LRRTM4: variants seen among roughly 807,000 people sequenced by gnomAD.
LRRTM4 encodes the protein leucine-rich repeat transmembrane neuronal protein 4.
Under a neutral mutation model 47.6 loss-of-function variants are expected in LRRTM4, and 25 were observed. The observed-to-expected ratio is 0.53, with a 90% CI of 0.38 to 0.73. The LOEUF is 0.73. LRRTM4 is among the 30% of genes least tolerant of loss of function. The probability of loss-of-function intolerance (pLI) is 0.00; values close to 1 mark genes in which losing one functional copy is unlikely to be tolerated. For synonymous variants in LRRTM4, 311 were observed against 269.5 expected, an observed-to-expected ratio of 1.15 and a Z score of -1.51; for missense variants, 638 against 713.4, an observed-to-expected ratio of 0.89 and a Z score of 1.20.
chr2:77,414,082 T>G (rs1419809298), intron 3 of LRRTM4, among the ~76,000 whole-genome samples: 1 of 152,204 alleles, frequency 6.6e-6, no homozygotes, highest in Non-Finnish European at 1.5e-5. Context: ...CAAATCAAAA[T>G]GCTTCTAATC....
chr2:76,868,286 G>T (rs1672521744), intron 3 of LRRTM4, among the ~76,000 whole-genome samples: 1 of 152,066 alleles, frequency 6.6e-6, no homozygotes, highest in Non-Finnish European at 1.5e-5. Context: ...TTATGAATGT[G>T]TCAGACATAG....
At chr2:77,429,805 C>T (rs1675289723) in intron 3 of LRRTM4, among the ~76,000 whole-genome samples, 1 of 152,124 alleles carries the variant, frequency 6.6e-6, no homozygotes, top group African/African-American at 2.4e-5. Context: ...GTGTCTCATG[C>T]CTGTAATCAC....
intron 3 of LRRTM4, among the ~76,000 whole-genome samples, chr2:76,865,205 CT>C (rs1262678373): frequency 2.0e-5 from 3 of 152,112 alleles, no homozygotes; most frequent in African/African-American, 7.2e-5. Flanking sequence ...TCCCTGTGGG[CT>C]CCATAGGCAG....
chr2:76,974,734 CTAT>C (rs1314884245), intron 3 of LRRTM4, among the ~76,000 whole-genome samples: 1 of 151,594 alleles, frequency 6.6e-6, no homozygotes, highest in Non-Finnish European at 1.5e-5. Context: ...TTCTGACATA[CTAT>C]TATAAATTTA....
At chr2:77,324,244 G>T (rs998881815) in intron 3 of LRRTM4, among the ~76,000 whole-genome samples, 1 of 152,146 alleles carries the variant, frequency 6.6e-6, no homozygotes, top group Non-Finnish European at 1.5e-5. Flanking sequence ...CTTGTGTTGA[G>T]GTGTATTGGA....
intron 3 of LRRTM4, among the ~76,000 whole-genome samples, chr2:77,055,475 C>G (rs2103784558): frequency 2.0e-5 from 3 of 152,278 alleles, no homozygotes; most frequent in South Asian, 4.1e-4. Context: ...AAATGCAAAT[C>G]AAAACCACCA....
intron 3 of LRRTM4, among the ~76,000 whole-genome samples, chr2:77,102,053 A>G (rs903757890): frequency 2.6e-5 from 4 of 152,172 alleles, no homozygotes; most frequent in African/African-American, 9.7e-5. Context: ...CCCAGTTACT[A>G]TCTGTGTGTG....
At chr2:77,170,519 C>T (rs562919864) in intron 3 of LRRTM4, among the ~76,000 whole-genome samples, 1 of 152,148 alleles carries the variant, frequency 6.6e-6, no homozygotes, top group South Asian at 2.1e-4. Context: ...GACTTCTCAC[C>T]AATGGAGATC....
At chr2:77,212,459 A>T (rs1674319365) in intron 3 of LRRTM4, among the ~76,000 whole-genome samples, 1 of 131,502 alleles carries the variant, frequency 7.6e-6, no homozygotes, top group African/African-American at 3.0e-5. Flanking sequence ...TGGAATAATT[A>T]TATATATATA....
At chr2:77,349,742 T>A (rs889702633) in intron 3 of LRRTM4, among the ~76,000 whole-genome samples, 13 of 152,232 alleles carry the variant, frequency 8.5e-5, no homozygotes, top group African/African-American at 3.1e-4. Context: ...ATTAACGGAT[T>A]AGAATAAGAA....
intron 3 of LRRTM4, among the ~76,000 whole-genome samples, chr2:77,361,643 T>C (rs1672215631): frequency 6.6e-6 from 1 of 152,160 alleles, no homozygotes; most frequent in Non-Finnish European, 1.5e-5. Flanking sequence ...ATGCCTGGTA[T>C]AAACTAGCTA....
At chr2:77,095,275 T>C (rs1670775347) in intron 3 of LRRTM4, among the ~76,000 whole-genome samples, 1 of 152,134 alleles carries the variant, frequency 6.6e-6, no homozygotes, top group Admixed American at 6.5e-5. Context: ...TTGGCAGGGA[T>C]GTGGAGGAAC....
At chr2:77,281,671 A>C (rs1676509495) in intron 3 of LRRTM4, among the ~76,000 whole-genome samples, 1 of 151,920 alleles carries the variant, frequency 6.6e-6, no homozygotes, top group Admixed American at 6.6e-5. Context: ...TGGGCATGGC[A>C]GAATGATAAG....
intron 3 of LRRTM4, among the ~76,000 whole-genome samples, chr2:77,083,754 C>T (rs1171959832): frequency 2.5e-5 from 3 of 121,962 alleles, no homozygotes; most frequent in Non-Finnish European, 5.1e-5. Flanking sequence ...TTCATAGTAA[C>T]AAAACTTCTC....
rs375348467 is a variant in LRRTM4 at position 76,854,589 on chromosome 2, C to T, written c.1552-105673G>A. ...TAGCATTTGCCAATTTTAATGTATACATAATCTAACTATAGTTGAATTTAC... is the reference window on the plus strand; with the variant it reads ...TAGCATTTGCCAATTTTAATGTATATATAATCTAACTATAGTTGAATTTAC... On this transcript the variant is annotated intron_variant, in intron 3 of 3. Transcript: ENST00000409884. 1.1e-4 allele frequency among the ~76,000 whole-genome samples: 16 copies of T among 152,142 alleles called. 1 individual carries two copies. Among genetic ancestry groups the T allele is most frequent in the Admixed American group, 9.8e-4 (15 of 15,266 alleles).
chr2:76,764,287 G>A (rs986198014), intron 3 of LRRTM4, among the ~76,000 whole-genome samples: 4 of 152,184 alleles, frequency 2.6e-5, no homozygotes, highest in African/African-American at 9.7e-5. Flanking sequence ...ATGTTCTAAA[G>A]AGAACAATAA....
chr2:77,450,888 T>C (rs1177651447), intron 3 of LRRTM4, among the ~76,000 whole-genome samples: 1 of 152,184 alleles, frequency 6.6e-6, no homozygotes, highest in East Asian at 1.9e-4. Context: ...ATTTCCCTAC[T>C]GAAAAGGCTT....
intron 3 of LRRTM4, among the ~76,000 whole-genome samples, chr2:77,004,441 T>C (rs1677557435): frequency 6.6e-6 from 1 of 152,174 alleles, no homozygotes; most frequent in African/African-American, 2.4e-5. Context: ...GTGCTGAGCT[T>C]GTGGGTACAC....
chr2:77,138,506 A>G (rs764890545), intron 3 of LRRTM4, among the ~76,000 whole-genome samples: 4 of 152,218 alleles, frequency 2.6e-5, no homozygotes, highest in Non-Finnish European at 5.9e-5. Context: ...CCAAATGCCC[A>G]CAAGAAAAAG....
Sources: allele counts gnomAD v4.1 joint callset (sites outside exome capture counted in the v4.1 genomes callset), GRCh38; gene constraint gnomAD v4.1.1; transcripts MANE v1.5; gene names NCBI Gene and HGNC (gene_info 2026-07-23, HGNC 2026-07-21).